STARD13: variants seen among roughly 807,000 people sequenced by gnomAD.
The protein encoded by STARD13 is StAR related lipid transfer domain containing 13, also known as stAR-related lipid transfer protein 13.
In STARD13, 62 loss-of-function variants were observed where a neutral mutation model predicts 106.4. The observed-to-expected ratio is 0.58, with a 90% confidence interval of 0.48 to 0.72. The LOEUF (loss-of-function observed/expected upper bound fraction) is 0.72, where lower values mean the gene tolerates loss of function less well. STARD13 is among the 30% of genes least tolerant of loss of function. The pLI, the probability that STARD13 is intolerant of heterozygous loss-of-function variation, is 0.00. For missense variants in STARD13, 1,387 were observed against 1,424.0 expected, an observed-to-expected ratio of 0.97 and a Z score of 0.42; for synonymous variants, 565 against 553.0, an observed-to-expected ratio of 1.02 and a Z score of -0.31.
At chr13:33,528,261 T>TATATATATATATATATATATATATACAC in the STARD13 span, among the ~76,000 whole-genome samples, 7 of 128,268 alleles carry the variant, frequency 5.5e-5, no homozygotes, top group African/African-American at 2.5e-4. Context: ...TATATACATA[T>TATATATATATATATATATATATATACAC]ATATATATAT....
chr13:33,450,447 T>G, the STARD13 span, among the ~76,000 whole-genome samples: 149 of 152,342 alleles, frequency 9.8e-4, no homozygotes, highest in African/African-American at 3.3e-3. Flanking sequence ...ATATTTTTAA[T>G]GTGCTGCTGA....
At chr13:33,279,278 T>C (rs946767803) in intron 1 of STARD13, among the ~76,000 whole-genome samples, 1 of 152,314 alleles carries the variant, frequency 6.6e-6, no homozygotes, top group South Asian at 2.1e-4. Context: ...TTAAGACCAC[T>C]AGCAGTGACT....
intron 1 of STARD13, among the ~76,000 whole-genome samples, chr13:33,339,935 A>G (rs745487186): frequency 6.6e-6 from 1 of 152,098 alleles, no homozygotes; most frequent in Non-Finnish European, 1.5e-5. Flanking sequence ...AATACTATTT[A>G]TTACCAAGAC....
At chr13:33,326,738 CTGCTTCTAA>C (rs1010821706) in intron 1 of STARD13, among the ~76,000 whole-genome samples, 1 of 152,208 alleles carries the variant, frequency 6.6e-6, no homozygotes, top group Non-Finnish European at 1.5e-5. Flanking sequence ...AATAAAATGA[CTGCTTCTAA>C]TGCTTTCACA....
chr13:33,558,661 A>AGATCAGGACACT, the STARD13 span, among the ~76,000 whole-genome samples: 12 of 151,840 alleles, frequency 7.9e-5, no homozygotes, highest in African/African-American at 2.7e-4. Context: ...ACTGCTCAGA[A>AGATCAGGACACT]GCTAATGTTT....
At chr13:33,236,477 G>C (rs541696161) in intron 1 of STARD13, among the ~76,000 whole-genome samples, 13 of 152,314 alleles carry the variant, frequency 8.5e-5, no homozygotes, top group Admixed American at 4.6e-4. Context: ...TTTCATCCTG[G>C]TTAATCCTCT....
At chr13:33,539,431 G>A in the STARD13 span, among the ~76,000 whole-genome samples, 9 of 152,120 alleles carry the variant, frequency 5.9e-5, no homozygotes, top group Non-Finnish European at 1.3e-4. Flanking sequence ...AAAATGCAAA[G>A]GACTTAGAAT....
At chr13:33,287,116 G>T (rs1213404648), upstream of STARD13, among the ~76,000 whole-genome samples, 1 of 152,120 alleles carries the variant, frequency 6.6e-6, no homozygotes, top group Non-Finnish European at 1.5e-5. Flanking sequence ...CGGAAACATA[G>T]CCTGGCTGGG....
At chr13:33,487,351 T>G in the STARD13 span, among the ~76,000 whole-genome samples, 1 of 152,146 alleles carries the variant, frequency 6.6e-6, no homozygotes, top group Non-Finnish European at 1.5e-5. Flanking sequence ...GTTAGTCCAG[T>G]TTTCACAATT....
chr13:33,225,644 T>C (rs185693575), intron 1 of STARD13, among the ~76,000 whole-genome samples: 19 of 152,282 alleles, frequency 1.2e-4, no homozygotes, highest in African/African-American at 4.3e-4. Context: ...ATCATAAACG[T>C]AGAGGTATTA....
At chr13:33,468,906 T>C in the STARD13 span, among the ~76,000 whole-genome samples, 1 of 152,170 alleles carries the variant, frequency 6.6e-6, no homozygotes, top group East Asian at 1.9e-4. Context: ...TTCCACTGGC[T>C]AGATCCATGG....
At chr13:33,164,088 T>G (rs1883058727) in intron 3 of STARD13, 1 of 152,128 alleles carries the variant, frequency 6.6e-6, no homozygotes, top group Admixed American at 6.5e-5. Flanking sequence ...AGTTTGTTTG[T>G]TTTCTCGTCC....
At chr13:33,581,323 T>G in the STARD13 span, among the ~76,000 whole-genome samples, 1 of 152,264 alleles carries the variant, frequency 6.6e-6, no homozygotes, top group East Asian at 1.9e-4. Flanking sequence ...AAATTCTAAA[T>G]AAAAATGTTC....
chr13:33,140,543 A>G (rs1254722488), intron 4 of STARD13, among the ~76,000 whole-genome samples: 2 of 151,990 alleles, frequency 1.3e-5, no homozygotes, highest in East Asian at 3.9e-4. Flanking sequence ...TCACTGTTTT[A>G]CCTCCTCAGC....
chr13:33,262,319 G>A (rs1890678771), intron 1 of STARD13, among the ~76,000 whole-genome samples: 1 of 152,112 alleles, frequency 6.6e-6, no homozygotes, highest in East Asian at 1.9e-4. Flanking sequence ...TGCCTGCCTC[G>A]GTCCTGCCTC....
the STARD13 span, among the ~76,000 whole-genome samples, chr13:33,627,789 T>G: frequency 6.6e-6 from 1 of 152,160 alleles, no homozygotes; most frequent in South Asian, 2.1e-4. Context: ...TTAATTTATG[T>G]ACATGTGTCA....
At chr13:33,460,351 T>G in the STARD13 span, among the ~76,000 whole-genome samples, 2 of 150,816 alleles carry the variant, frequency 1.3e-5, no homozygotes, top group Admixed American at 6.6e-5. Context: ...AATAGCTGGG[T>G]GTGGTGCCAC....
At chr13:33,159,247 T>C (rs988142830) in intron 3 of STARD13, among the ~76,000 whole-genome samples, 8 of 152,204 alleles carry the variant, frequency 5.3e-5, no homozygotes, top group African/African-American at 1.2e-4. Context: ...CTGATTTTTC[T>C]GGACGACACT....
At chr13:33,483,045 T>G in the STARD13 span, among the ~76,000 whole-genome samples, 5 of 152,270 alleles carry the variant, frequency 3.3e-5, no homozygotes, top group Non-Finnish European at 7.4e-5. Flanking sequence ...AATAAAACCT[T>G]CAGTATGCAT....
Sources: allele counts gnomAD v4.1 joint callset (sites outside exome capture counted in the v4.1 genomes callset), GRCh38; gene constraint gnomAD v4.1.1; transcripts MANE v1.5; gene names NCBI Gene and HGNC (gene_info 2026-07-23, HGNC 2026-07-21).